Variants in CLSTN1 observed in about 807,000 individuals in gnomAD.
CLSTN1 encodes calsyntenin-1.
In CLSTN1, 28 loss-of-function variants were observed where a neutral mutation model predicts 108.3. The ratio of observed to expected loss-of-function variants is 0.26; its 90% CI spans 0.19 to 0.35. The LOEUF (loss-of-function observed/expected upper bound fraction) is 0.35, where lower values mean the gene tolerates loss of function less well. Ranked by LOEUF, CLSTN1 falls within the 10% of genes least tolerant of loss-of-function variation. The probability of loss-of-function intolerance (pLI) is 1.00; values close to 1 mark genes in which losing one functional copy is unlikely to be tolerated. For missense variants in CLSTN1, 1,157 were observed against 1,302.6 expected, an observed-to-expected ratio of 0.89 and a Z score of 1.72; for synonymous variants, 524 against 534.9, an observed-to-expected ratio of 0.98 and a Z score of 0.28.
At chr1:9,787,056 A>AGAGAAG (rs994468907) in intron 1 of CLSTN1, among the ~76,000 whole-genome samples, 1 of 151,234 alleles carries the variant, frequency 6.6e-6, no homozygotes, top group African/African-American at 2.4e-5. Flanking sequence ...AGGGGTGAGA[A>AGAGAAG]GAGAAGGGGA....
Position 9,799,670 on chromosome 1 carries a change from C to T in CLSTN1, c.91+23973G>A, listed in dbSNP as rs149597542. Among the ~76,000 whole-genome samples the T allele has an allele frequency of 8.4e-3, 1,241 of 148,516 alleles. 15 individuals carry two copies. Among genetic ancestry groups the T allele is most frequent in the Middle Eastern group, 0.036 (9 of 248 alleles). ...AAAAACAAAAAAAAAATGCCAGGCG[C>T]GGTGACTCACGCCTGTAATCCCATC... On this transcript the variant is annotated intron_variant, in intron 1 of 18. Transcript: ENST00000377298.
intron 15 of CLSTN1, 147 bp from the exon 16 acceptor site, chr1:9,733,693 A>C: frequency 1.1e-6 from 1 of 938,296 alleles, no homozygotes; most frequent in Non-Finnish European, 1.6e-6. Context: ...AGCCATGGGA[A>C]TAAATGCAAT....
At chr1:9,747,016 C>A (rs879565568) in intron 7 of CLSTN1, among the ~76,000 whole-genome samples, 1 of 150,374 alleles carries the variant, frequency 6.7e-6, no homozygotes, top group Non-Finnish European at 1.5e-5. Flanking sequence ...CCCATCTCTA[C>A]TAAACATACA....
At chr1:9,783,184 C>T (rs1653329941) in intron 1 of CLSTN1, among the ~76,000 whole-genome samples, 1 of 152,174 alleles carries the variant, frequency 6.6e-6, no homozygotes, top group Non-Finnish European at 1.5e-5. Context: ...TGGATGGTTC[C>T]CCACTTACAG....
At chr1:9,739,737 G>A (rs182209383) in intron 10 of CLSTN1, among the ~76,000 whole-genome samples, 115 of 151,918 alleles carry the variant, frequency 7.6e-4, no homozygotes, top group African/African-American at 2.7e-3. Context: ...CTGAGTGTGG[G>A]CCCAGAATAC....
chr1:9,804,978 T>G (rs1355436235), intron 1 of CLSTN1, among the ~76,000 whole-genome samples: 1 of 151,812 alleles, frequency 6.6e-6, no homozygotes, highest in Non-Finnish European at 1.5e-5. Context: ...AAAACTTAGC[T>G]GGGCGTGCTA....
In CLSTN1 at chr1:9,730,259, C is replaced by T; in HGVS notation, c.*249G>A. On this transcript the variant is annotated 3_prime_UTR_variant, in exon 19 of 19. Transcript: ENST00000377298. This position sits in a 1 kb window ranked among gnomAD's most constrained non-coding sequence, Gnocchi z 5.6. ...ACGCGGGGCCTGAGGCGCTGGGAGG[C>T]CCCTGTGCGAGCCGGATGGCGGCCA... 1 of 568,570 alleles carries T rather than the reference C, an allele frequency of 1.8e-6. No homozygotes were observed. The highest frequency in any genetic ancestry group is 3.2e-6 in the Non-Finnish European group (1 of 316,166). 35.2% of individuals were successfully genotyped at this position (568,570 alleles called of 1,614,324 possible).
chr1:9,773,243 T>C (rs1391812570), intron 2 of CLSTN1, 29 bp downstream of exon 2: 5 of 1,612,950 alleles, frequency 3.1e-6, no homozygotes, highest in African/African-American at 1.3e-5. Flanking sequence ...GCCCGATTCA[T>C]CAAGAGTCAA....
intron 11 of CLSTN1, 134 bp from the exon 12 acceptor site, chr1:9,736,176 G>A: frequency 9.9e-7 from 1 of 1,010,680 alleles, no homozygotes; most frequent in Non-Finnish European, 1.5e-6. Context: ...ACCAAGTCCT[G>A]TTAGCCTTGC....
intron 9 of CLSTN1, among the ~76,000 whole-genome samples, chr1:9,741,539 G>A (rs1427256083): frequency 6.6e-6 from 1 of 152,232 alleles, no homozygotes; most frequent in Non-Finnish European, 1.5e-5. Flanking sequence ...GGAAGTTCCT[G>A]TATGGGCAAG....
intron 1 of CLSTN1, among the ~76,000 whole-genome samples, chr1:9,787,395 C>A (rs1653545305): frequency 6.6e-6 from 1 of 150,540 alleles, no homozygotes; most frequent in Non-Finnish European, 1.5e-5. Flanking sequence ...TTAAAGTGAG[C>A]CTTCTAATTT....
intron 2 of CLSTN1, among the ~76,000 whole-genome samples, chr1:9,764,187 A>G (rs1215262088): frequency 1.3e-5 from 2 of 151,876 alleles, no homozygotes; most frequent in Non-Finnish European, 2.9e-5. Flanking sequence ...CTTTTTAGCA[A>G]TGAGCTCTTG....
intron 2 of CLSTN1, among the ~76,000 whole-genome samples, chr1:9,758,339 A>T (rs1012697504): frequency 2.0e-5 from 3 of 148,668 alleles, no homozygotes; most frequent in Admixed American, 1.4e-4. Context: ...TTTGAGACAG[A>T]GTCTCACTCT....
chr1:9,774,972 T>C (rs1652866729), intron 1 of CLSTN1, among the ~76,000 whole-genome samples: 1 of 152,180 alleles, frequency 6.6e-6, no homozygotes, highest in Non-Finnish European at 1.5e-5. Flanking sequence ...TTCCTCACGT[T>C]GCCATGGCAT....
At position 9,755,278 on chromosome 1, in the gene CLSTN1, C is replaced by G. The variant is rs1557700062; in HGVS notation, c.276G>C (p.Gln92His). 1.2e-6 allele frequency: 2 copies of G among 1,613,130 alleles called. No homozygotes were observed. Among genetic ancestry groups the G allele is most frequent in the Admixed American group, 1.7e-5 (1 of 59,934 alleles). The change falls in exon 4 of 19, where the codon CAG becomes CAC. Residue 92 changes from glutamine to histidine, a missense_variant. Physicochemically the swap from Gln to His is conservative, Grantham distance 24. Coordinates refer to ENST00000377298, the MANE Select transcript of CLSTN1 (RefSeq NM_001009566.3). ...GEICGFKIHG[Q>H]NVPFDAVVVD... The stretch of plus-strand genomic sequence containing the variant: ...CTACCACTGCATCAAAGGGGACATT[C>G]TGCCCGTGAATTTTAAATCCACAAA...
intron 1 of CLSTN1, among the ~76,000 whole-genome samples, chr1:9,786,902 A>T (rs1469519458): frequency 6.6e-6 from 1 of 151,302 alleles, no homozygotes; most frequent in Non-Finnish European, 1.5e-5. Context: ...CAGATGGAGG[A>T]GGAACCCCTA....
At chr1:9,806,874 G>A (rs538607618) in intron 1 of CLSTN1, among the ~76,000 whole-genome samples, 7 of 152,098 alleles carry the variant, frequency 4.6e-5, no homozygotes, top group East Asian at 1.9e-4. Context: ...GTGAGATTCC[G>A]TCTCAAAAAA....
chr1:9,760,032 C>T (rs888466674), intron 2 of CLSTN1, among the ~76,000 whole-genome samples: 1 of 152,070 alleles, frequency 6.6e-6, no homozygotes, highest in Non-Finnish European at 1.5e-5. Flanking sequence ...GCTTTCCTGA[C>T]ACAGGTCTCT....
chr1:9,796,295 C>G (rs111960642), intron 1 of CLSTN1, among the ~76,000 whole-genome samples: 1 of 121,976 alleles, frequency 8.2e-6, no homozygotes, highest in Non-Finnish European at 1.7e-5. Context: ...CAAAACAAAA[C>G]AAAAAAAAAA....
Sources: gnomAD v4.1 joint callset for allele counts (sites outside exome capture counted in the v4.1 genomes callset) on GRCh38, gnomAD v4.1.1 for gene constraint, Gnocchi (gnomAD v3.1) non-coding constraint, MANE v1.5 for transcripts, NCBI Gene and HGNC (gene_info 2026-07-23, HGNC 2026-07-21) for gene names.